Variants in SPIDR observed in about 807,000 individuals in gnomAD.
The protein encoded by SPIDR is scaffold protein involved in DNA repair.
A neutral mutation model predicts 104.6 loss-of-function variants in SPIDR; 93 were observed. That is an observed-to-expected ratio of 0.89 (90% confidence interval 0.75 to 1.06). The LOEUF (loss-of-function observed/expected upper bound fraction) is 1.06. Among genes scored for constraint, SPIDR ranks in the 50% least tolerant of loss-of-function variants. SPIDR has a pLI of 0.00. For missense variants in SPIDR, 1,154 were observed against 1,111.2 expected (o/e 1.04, Z -0.55); for synonymous variants, 431 against 416.9 (o/e 1.03, Z -0.41).
intron 8 of SPIDR, among the ~76,000 whole-genome samples, chr8:47,553,532 G>A (rs2090889769): frequency 6.6e-6 from 1 of 152,128 alleles, no homozygotes; most frequent in Non-Finnish European, 1.5e-5. Flanking sequence ...CCAGTTGATT[G>A]AATCAGCTTC....
intron 8 of SPIDR, among the ~76,000 whole-genome samples, chr8:47,447,359 G>A (rs1447711345): frequency 8.5e-5 from 13 of 152,052 alleles, no homozygotes; most frequent in Non-Finnish European, 1.6e-4. Flanking sequence ...GATTACAGGC[G>A]TGTGCCACCA....
chr8:47,323,492 G>C (rs2154263898), intron 5 of SPIDR, among the ~76,000 whole-genome samples: 1 of 152,230 alleles, frequency 6.6e-6, no homozygotes, highest in African/African-American at 2.4e-5. Context: ...TTTACTTTTT[G>C]AGAGACAGAA....
intron 4 of SPIDR, among the ~76,000 whole-genome samples, chr8:47,292,898 T>G (rs956929138): frequency 1.1e-4 from 16 of 152,110 alleles, no homozygotes; most frequent in Non-Finnish European, 2.4e-4. Flanking sequence ...AGTGAATGAA[T>G]GAATGAGTGC....
intron 8 of SPIDR, among the ~76,000 whole-genome samples, chr8:47,537,096 T>C (rs2087046269): frequency 6.6e-6 from 1 of 152,280 alleles, no homozygotes; most frequent in East Asian, 1.9e-4. Flanking sequence ...AGAACAGAAC[T>C]ATCATTCATT....
chr8:47,277,919 C>T (rs1009107470), intron 1 of SPIDR, among the ~76,000 whole-genome samples: 25 of 151,860 alleles, frequency 1.6e-4, no homozygotes, highest in African/African-American at 6.0e-4. Context: ...GTGATTCGCC[C>T]GCCTTGGCCT....
intron 5 of SPIDR, among the ~76,000 whole-genome samples, chr8:47,323,321 C>G (rs1473537866): frequency 1.3e-5 from 2 of 152,128 alleles, no homozygotes. Flanking sequence ...AAGTAGTTGT[C>G]ATATAATTCT....
At chr8:47,320,814 A>C (rs1372250700) in intron 5 of SPIDR, among the ~76,000 whole-genome samples, 1 of 152,214 alleles carries the variant, frequency 6.6e-6, no homozygotes, top group Non-Finnish European at 1.5e-5. Flanking sequence ...AATAAACATA[A>C]TCCATCATAT....
intron 5 of SPIDR, among the ~76,000 whole-genome samples, chr8:47,352,851 C>G (rs902238278): frequency 6.6e-6 from 1 of 151,804 alleles, no homozygotes; most frequent in Non-Finnish European, 1.5e-5. Context: ...GTTGAGAGAT[C>G]GAGACCATCC....
intron 10 of SPIDR, among the ~76,000 whole-genome samples, chr8:47,614,474 G>A (rs1305829833): frequency 3.3e-5 from 5 of 152,036 alleles, no homozygotes; most frequent in African/African-American, 4.8e-5. Flanking sequence ...CGCCCACCTC[G>A]GCCTCCCAAA....
At chr8:47,334,819 T>A (rs555274271) in intron 5 of SPIDR, among the ~76,000 whole-genome samples, 5 of 152,294 alleles carry the variant, frequency 3.3e-5, no homozygotes, top group African/African-American at 1.2e-4. Flanking sequence ...GTTCTTGTCC[T>A]TTGTTCTTAT....
intron 8 of SPIDR, among the ~76,000 whole-genome samples, chr8:47,482,699 A>G (rs1303208706): frequency 6.6e-6 from 1 of 152,164 alleles, no homozygotes; most frequent in Non-Finnish European, 1.5e-5. Flanking sequence ...TAGACTTCAG[A>G]GATGCTTCCT....
At chr8:47,583,300 C>T (rs1237731212) in intron 8 of SPIDR, among the ~76,000 whole-genome samples, 4 of 91,940 alleles carry the variant, frequency 4.4e-5, no homozygotes, top group Admixed American at 1.6e-4. Flanking sequence ...AGCGAGACTC[C>T]ATCTCAAAAA....
intron 5 of SPIDR, among the ~76,000 whole-genome samples, chr8:47,302,715 G>C (rs1229721233): frequency 1.3e-5 from 2 of 152,342 alleles, no homozygotes; most frequent in Admixed American, 1.3e-4. Context: ...GTCCACTCCA[G>C]ACCTTGTTTG....
chr8:47,261,046 G>T, intron 1 of SPIDR, 55 bp downstream of exon 1: 1 of 1,224,582 alleles, frequency 8.2e-7, no homozygotes, highest in Non-Finnish European at 1.0e-6. Flanking sequence ...GCGGGGAAGC[G>T]GCGGGCCGGC....
rs906503725 is a variant in SPIDR, at chr8:47,582,565, C to T, written c.1098-13246C>T. On this transcript the variant is annotated intron_variant, in intron 8 of 19. Transcript: ENST00000297423. The stretch of plus-strand genomic sequence containing the variant: ...TTGTTCCCTGTTTAATTGAGTTCCA[C>T]GTATATAACATTCTCAGGTGAGAAG... Among the ~76,000 whole-genome samples the T allele has an allele frequency of 7.9e-5, 12 of 152,178 alleles. No homozygotes were observed. In the East Asian group the frequency reaches 1.2e-3, roughly 15 times the overall value.
chr8:47,496,981 G>A lies in SPIDR; in HGVS notation c.1097+56439G>A, dbSNP rs960589198. ...TTTTACTTCCATTTTCTCATTTGTT[G>A]GCTTACGGTTGCTCAGTTTATTTCC... is the stretch of plus-strand genomic sequence containing the variant. On this transcript the variant is annotated intron_variant, in intron 8 of 19. Transcript: ENST00000297423. Among the ~76,000 whole-genome samples, 6 of 151,840 alleles carry A rather than the reference G, an allele frequency of 4.0e-5. 1 individual carries two copies. Among genetic ancestry groups the A allele is most frequent in the Non-Finnish European group, 8.8e-5 (6 of 67,952 alleles).
chr8:47,521,461 G>A (rs1428111600), intron 8 of SPIDR, among the ~76,000 whole-genome samples: 3 of 143,632 alleles, frequency 2.1e-5, no homozygotes, highest in Non-Finnish European at 3.0e-5. Flanking sequence ...TTTTGAGACC[G>A]AGTCTCACTC....
At chr8:47,652,305 CAG>C (rs1490052907) in intron 10 of SPIDR, among the ~76,000 whole-genome samples, 2 of 152,016 alleles carry the variant, frequency 1.3e-5, no homozygotes, top group African/African-American at 4.8e-5. Flanking sequence ...AGCCAATGTG[CAG>C]AGAGAGAAGA....
intron 16 of SPIDR, among the ~76,000 whole-genome samples, chr8:47,720,794 G>C (rs912890107): frequency 4.0e-5 from 6 of 150,920 alleles, no homozygotes; most frequent in Non-Finnish European, 8.8e-5. Context: ...GTCTCTCTCT[G>C]TTGCCCAGGC....
Sources: allele counts gnomAD v4.1 joint callset (sites outside exome capture counted in the v4.1 genomes callset), GRCh38; gene constraint gnomAD v4.1.1; transcripts MANE v1.5; gene names NCBI Gene and HGNC (gene_info 2026-07-23, HGNC 2026-07-21).